Variants in CADM2 observed in about 807,000 individuals in gnomAD.
CADM2 encodes the protein immunoglobulin superfamily member 4D.
A neutral mutation model predicts 49.8 loss-of-function variants in CADM2; 12 were observed. That is an observed-to-expected ratio of 0.24 (90% confidence interval 0.15 to 0.39). The LOEUF is 0.39. Ranked by LOEUF, CADM2 falls within the 10% of genes least tolerant of loss-of-function variation. CADM2 has a pLI of 1.00. For missense variants in CADM2, 378 were observed against 492.3 expected (o/e 0.77, Z 2.20); for synonymous variants, 214 against 175.4 (o/e 1.22, Z -1.74).
intron 3 of CADM2, among the ~76,000 whole-genome samples, chr3:85,860,093 A>G (rs900646145): frequency 6.6e-6 from 1 of 152,158 alleles, no homozygotes; most frequent in South Asian, 2.1e-4. Flanking sequence ...TGTGACATCT[A>G]TATATAATTT....
intron 1 of CADM2, among the ~76,000 whole-genome samples, chr3:85,051,447 T>C (rs1201196155): frequency 6.6e-6 from 1 of 152,134 alleles, no homozygotes; most frequent in African/African-American, 2.4e-5. Context: ...ACTGGAGATA[T>C]TTAAAAATAT....
chr3:85,203,277 A>T (rs1489886627), intron 1 of CADM2, among the ~76,000 whole-genome samples: 1 of 152,148 alleles, frequency 6.6e-6, no homozygotes, highest in East Asian at 1.9e-4. Flanking sequence ...AAAGTGAAAT[A>T]TTTACAAATC....
chr3:85,536,311 G>T (rs996561380), intron 1 of CADM2, among the ~76,000 whole-genome samples: 4 of 151,800 alleles, frequency 2.6e-5, no homozygotes, highest in Admixed American at 6.6e-5. Context: ...AAGAAACACT[G>T]AATAGACCAA....
intron 1 of CADM2, among the ~76,000 whole-genome samples, chr3:85,671,029 A>G (rs904222322): frequency 1.3e-5 from 2 of 152,184 alleles, no homozygotes; most frequent in Non-Finnish European, 2.9e-5. Flanking sequence ...CAACTAGTCC[A>G]TTTAGGCCAA....
chr3:86,044,210 T>C (rs528237862), intron 8 of CADM2, among the ~76,000 whole-genome samples: 1 of 152,112 alleles, frequency 6.6e-6, no homozygotes, highest in African/African-American at 2.4e-5. Flanking sequence ...AATTGACAAA[T>C]GGGATCTAAT....
intron 1 of CADM2, among the ~76,000 whole-genome samples, chr3:84,966,389 T>A (rs1184840417): frequency 7.9e-5 from 12 of 152,028 alleles, no homozygotes; most frequent in Admixed American, 2.6e-4. Context: ...CAGGGATGTA[T>A]AATAGAATGA....
chr3:85,597,186 A>C (rs2063269183), intron 1 of CADM2, among the ~76,000 whole-genome samples: 1 of 150,434 alleles, frequency 6.6e-6, no homozygotes, highest in Admixed American at 6.7e-5. Flanking sequence ...AAAGTGCACA[A>C]GATTGTCAAG....
chr3:85,948,264 T>A (rs1215912137), intron 7 of CADM2, among the ~76,000 whole-genome samples: 2 of 151,534 alleles, frequency 1.3e-5, no homozygotes, highest in African/African-American at 4.8e-5. Context: ...TGATTATTTA[T>A]GTATTTTTAA....
chr3:85,691,891 C>T (rs6784739), intron 1 of CADM2, among the ~76,000 whole-genome samples: 5 of 148,732 alleles, frequency 3.4e-5, no homozygotes, highest in Admixed American at 1.3e-4. Context: ...AACCAAACAC[C>T]GCATGTTCTC....
chr3:85,701,797 A>G (rs1383210204), intron 1 of CADM2, among the ~76,000 whole-genome samples: 1 of 152,124 alleles, frequency 6.6e-6, no homozygotes, highest in East Asian at 1.9e-4. Flanking sequence ...TTTCCTTTGC[A>G]TATATTGCCA....
chr3:85,828,623 A>G (rs1158141677), intron 3 of CADM2, among the ~76,000 whole-genome samples: 2 of 151,886 alleles, frequency 1.3e-5, no homozygotes, highest in African/African-American at 4.8e-5. Flanking sequence ...TCATTTACTT[A>G]TATCTTGTAT....
In CADM2 at chr3:85,454,123, G is replaced by C. The variant is rs904074481; in HGVS notation, c.62-272399G>C. On this transcript the variant is annotated intron_variant, in intron 1 of 9. Transcript: ENST00000383699. ...TAATCCAAGCATTTTGGGAGGCCGA[G>C]ACGGGCAGATCACCTGAGGGCAGGA... is the stretch of plus-strand genomic sequence containing the variant. Among the ~76,000 whole-genome samples, 7 of 152,224 alleles carry C rather than the reference G, an allele frequency of 4.6e-5. No homozygotes were observed. The South Asian group carries it at 6.2e-4, about 14-fold the overall frequency.
At chr3:85,508,136 T>C (rs1240969815) in intron 1 of CADM2, among the ~76,000 whole-genome samples, 1 of 152,210 alleles carries the variant, frequency 6.6e-6, no homozygotes, top group Non-Finnish European at 1.5e-5. Context: ...CTTGCCTTCA[T>C]GGACTGTCCT....
chr3:85,438,758 A>G (rs1221287926), intron 1 of CADM2, among the ~76,000 whole-genome samples: 1 of 152,048 alleles, frequency 6.6e-6, no homozygotes, highest in Non-Finnish European at 1.5e-5. Flanking sequence ...CTGTAGCCTC[A>G]AACTCCTTGG....
chr3:85,956,301 C>G (rs1577770902), intron 7 of CADM2, among the ~76,000 whole-genome samples: 2 of 151,578 alleles, frequency 1.3e-5, no homozygotes, highest in African/African-American at 4.8e-5. Flanking sequence ...GAAACTCAAT[C>G]ATTTCTGGGT....
intron 1 of CADM2, among the ~76,000 whole-genome samples, chr3:85,626,041 C>A (rs758178663): frequency 2.0e-5 from 3 of 151,900 alleles, no homozygotes; most frequent in Non-Finnish European, 4.4e-5. Flanking sequence ...GCATATTATT[C>A]TGTTTTAGTA....
At chr3:86,044,270 AG>A (rs1212007509) in intron 8 of CADM2, among the ~76,000 whole-genome samples, 1 of 152,246 alleles carries the variant, frequency 6.6e-6, no homozygotes, top group African/African-American at 2.4e-5. Context: ...CAGAGTGAAC[AG>A]GCAACCCACA....
At chr3:85,295,256 A>G (rs1402171928) in intron 1 of CADM2, among the ~76,000 whole-genome samples, 2 of 152,002 alleles carry the variant, frequency 1.3e-5, no homozygotes, top group Non-Finnish European at 2.9e-5. Flanking sequence ...ATCTCACACC[A>G]GTTAGAATGG....
At chr3:85,075,218 G>GT (rs952693741) in intron 1 of CADM2, among the ~76,000 whole-genome samples, 6 of 151,142 alleles carry the variant, frequency 4.0e-5, no homozygotes, top group East Asian at 3.9e-4. Context: ...GGCCTAAGCA[G>GT]TTTTTTTGTT....
Sources: gnomAD v4.1 joint callset for allele counts (sites outside exome capture counted in the v4.1 genomes callset) on GRCh38, gnomAD v4.1.1 for gene constraint, MANE v1.5 for transcripts, NCBI Gene and HGNC (gene_info 2026-07-23, HGNC 2026-07-21) for gene names.